Variants in ITGA9 observed in about 807,000 individuals in gnomAD.
The protein encoded by ITGA9 is integrin alpha-9.
ITGA9 carries 56 observed loss-of-function variants against 127.8 expected under a neutral mutation model. The ratio of observed to expected loss-of-function variants is 0.44; its 90% CI spans 0.35 to 0.55. The LOEUF is 0.55. Among genes scored for constraint, ITGA9 ranks in the 20% least tolerant of loss-of-function variants. ITGA9 has a pLI of 0.00. For synonymous variants in ITGA9, 508 were observed against 514.5 expected, an observed-to-expected ratio of 0.99 and a Z score of 0.17; for missense variants, 1,196 against 1,347.1, an observed-to-expected ratio of 0.89 and a Z score of 1.76.
chr3:37,532,820 G>T (rs1252106034), intron 13 of ITGA9, among the ~76,000 whole-genome samples: 1 of 152,228 alleles, frequency 6.6e-6, no homozygotes, highest in African/African-American at 2.4e-5. Context: ...ATTGGTGGAG[G>T]TAAATGATGC....
At chr3:37,611,593 A>C (rs567120733) in intron 15 of ITGA9, among the ~76,000 whole-genome samples, 3 of 152,262 alleles carry the variant, frequency 2.0e-5, no homozygotes, top group African/African-American at 4.8e-5. Context: ...CTAAACTGCA[A>C]ATCATTCAGG....
At position 37,822,506 on chromosome 3, in the gene ITGA9, C is replaced by T. The variant is rs1049902392; in HGVS notation, c.*3517C>T. ...GGCATCCATTCCGAATAACTCAGCA[C>T]TGAGGTTTCCTCAGGCAGTTCTTTA... On this transcript the variant is annotated 3_prime_UTR_variant, in exon 28 of 28. Transcript: ENST00000264741. 1 of 151,024 alleles carries T rather than the reference C, an allele frequency of 6.6e-6. No homozygotes were observed. Among genetic ancestry groups the T allele is most frequent in the Admixed American group, 6.6e-5 (1 of 15,178 alleles). 9.4% of individuals were successfully genotyped at this position (151,024 alleles called of 1,614,324 possible). A position where few individuals can be genotyped will look rare whatever the true frequency, so the allele number is the denominator to read the frequency against.
chr3:37,641,163 A>G (rs909044335), intron 16 of ITGA9, among the ~76,000 whole-genome samples: 2 of 152,146 alleles, frequency 1.3e-5, no homozygotes, highest in Non-Finnish European at 2.9e-5. Flanking sequence ...GCCACACAGC[A>G]TGAGGTGGGC....
chr3:37,519,380 A>C (rs754949659), intron 11 of ITGA9, 26 bp downstream of exon 11: 13 of 1,536,200 alleles, frequency 8.5e-6, no homozygotes, highest in Non-Finnish European at 1.2e-5. Context: ...GTGATATGGC[A>C]ACTGTTCATA....
At chr3:37,746,723 T>C (rs568899656) in intron 22 of ITGA9, among the ~76,000 whole-genome samples, 10 of 152,348 alleles carry the variant, frequency 6.6e-5, no homozygotes, top group African/African-American at 2.4e-4. Flanking sequence ...TATTCCTTCC[T>C]TTTCTATGTC....
intron 15 of ITGA9, chr3:37,573,195 TA>T (rs1177622521): frequency 6.6e-6 from 1 of 152,148 alleles, no homozygotes; most frequent in Admixed American, 6.5e-5. Flanking sequence ...AGACAAATTC[TA>T]AAAGAGCCAT....
intron 18 of ITGA9, among the ~76,000 whole-genome samples, chr3:37,709,599 C>T (rs2125677792): frequency 6.6e-6 from 1 of 152,302 alleles, no homozygotes; most frequent in African/African-American, 2.4e-5. Context: ...GCTCTTCCTC[C>T]CTTGGTTGGC....
chr3:37,492,587 G>T (rs995307275), intron 4 of ITGA9, among the ~76,000 whole-genome samples: 2 of 152,174 alleles, frequency 1.3e-5, no homozygotes, highest in African/African-American at 4.8e-5. Context: ...ATTTTTTGGA[G>T]ACCTTGTCAT....
intron 5 of ITGA9, among the ~76,000 whole-genome samples, chr3:37,498,512 A>G (rs1345681049): frequency 6.6e-6 from 1 of 152,162 alleles, no homozygotes; most frequent in Non-Finnish European, 1.5e-5. Context: ...GTGGAGGGGA[A>G]GTCCAGGTAG....
chr3:37,484,483 A>G (rs1422097683), intron 4 of ITGA9, among the ~76,000 whole-genome samples: 1 of 152,170 alleles, frequency 6.6e-6, no homozygotes, highest in African/African-American at 2.4e-5. Flanking sequence ...CTCAATGTGG[A>G]GAAACTCAGT....
chr3:37,782,192 G>A (rs900232142), intron 25 of ITGA9, among the ~76,000 whole-genome samples: 4 of 152,260 alleles, frequency 2.6e-5, no homozygotes, highest in Admixed American at 2.0e-4. Flanking sequence ...CAAAAATGGT[G>A]CTGCAGACAG....
chr3:37,470,428 G>T (rs932588069), intron 1 of ITGA9, among the ~76,000 whole-genome samples: 3 of 152,062 alleles, frequency 2.0e-5, no homozygotes. Context: ...ATGAAGTTGA[G>T]TTTCTCTGAT....
In ITGA9 at chr3:37,463,351, G is replaced by C. The variant is rs756954242; in HGVS notation, c.186-7656G>C. ...TGGTTGGCAGCTTAGGTTGGGTTCA[G>C]CTGGGTGGTTCTTCTGTTCTCTCCA... On this transcript the variant is annotated intron_variant, in intron 1 of 27. Coordinates refer to ENST00000264741, the MANE Select transcript of ITGA9 (RefSeq NM_002207.3). Among the ~76,000 whole-genome samples, 5 of 152,216 alleles carry C rather than the reference G, an allele frequency of 3.3e-5. No homozygotes were observed. The South Asian group carries it at 1.0e-3, about 32-fold the overall frequency.
At chr3:37,477,248 T>G (rs1187648690) in intron 3 of ITGA9, among the ~76,000 whole-genome samples, 1 of 152,108 alleles carries the variant, frequency 6.6e-6, no homozygotes, top group Non-Finnish European at 1.5e-5. Flanking sequence ...GAGACCAGTA[T>G]CCCCAAGGAG....
At chr3:37,746,410 T>C (rs1192342083) in intron 22 of ITGA9, among the ~76,000 whole-genome samples, 1 of 152,192 alleles carries the variant, frequency 6.6e-6, no homozygotes, top group Non-Finnish European at 1.5e-5. Flanking sequence ...AAGAGGCTTT[T>C]TTGGCATCAA....
At chr3:37,483,270 T>TTTG (rs1356192668) in intron 4 of ITGA9, among the ~76,000 whole-genome samples, 1 of 152,016 alleles carries the variant, frequency 6.6e-6, no homozygotes. Flanking sequence ...GGAGGTGGAG[T>TTTG]TCAATGTCCA....
intron 15 of ITGA9, among the ~76,000 whole-genome samples, chr3:37,570,202 A>T (rs1420414148): frequency 6.6e-6 from 1 of 152,242 alleles, no homozygotes; most frequent in Non-Finnish European, 1.5e-5. Flanking sequence ...ACCCAGTAGG[A>T]TGCACCTCTC....
At chr3:37,457,896 C>G (rs1698278181) in intron 1 of ITGA9, among the ~76,000 whole-genome samples, 1 of 152,200 alleles carries the variant, frequency 6.6e-6, no homozygotes, top group Non-Finnish European at 1.5e-5. Flanking sequence ...ATTAACGGCC[C>G]TGAGTGTGAG....
chr3:37,779,669 T>C (rs1696951919), intron 24 of ITGA9, among the ~76,000 whole-genome samples: 1 of 152,208 alleles, frequency 6.6e-6, no homozygotes, highest in South Asian at 2.1e-4. Flanking sequence ...GATAAATTAG[T>C]GAGCTGTTTT....
Sources: gnomAD v4.1 joint callset for allele counts (sites outside exome capture counted in the v4.1 genomes callset) on GRCh38, gnomAD v4.1.1 for gene constraint, MANE v1.5 for transcripts, NCBI Gene and HGNC (gene_info 2026-07-23, HGNC 2026-07-21) for gene names.